SLIT2: variants seen among roughly 807,000 people sequenced by gnomAD.
The protein encoded by SLIT2 is slit guidance ligand 2, also known as slit homolog 2 protein.
Under a neutral mutation model 185.7 loss-of-function variants are expected in SLIT2, and 41 were observed. The ratio of observed to expected loss-of-function variants is 0.22; its 90% CI spans 0.17 to 0.29. SLIT2 has a LOEUF of 0.29. Ranked by LOEUF, SLIT2 falls within the 10% of genes least tolerant of loss-of-function variation. The pLI is 1.00. For missense variants in SLIT2, 1,571 were observed against 1,909.0 expected (o/e 0.82, Z 3.30); for synonymous variants, 693 against 680.2 (o/e 1.02, Z -0.29).
chr4:20,505,560 T>C (rs1719129513), intron 9 of SLIT2, among the ~76,000 whole-genome samples: 1 of 152,080 alleles, frequency 6.6e-6, no homozygotes, highest in African/African-American at 2.4e-5. Flanking sequence ...TAAATGTCTT[T>C]AGAACTAGTT....
At chr4:20,396,108 CA>C (rs1405048319) in intron 4 of SLIT2, among the ~76,000 whole-genome samples, 1 of 151,754 alleles carries the variant, frequency 6.6e-6, no homozygotes, top group Non-Finnish European at 1.5e-5. Flanking sequence ...TATATAATAA[CA>C]AAAACAAAAT....
intron 4 of SLIT2, among the ~76,000 whole-genome samples, chr4:20,368,316 A>G (rs1272963676): frequency 6.6e-6 from 1 of 151,496 alleles, no homozygotes; most frequent in Non-Finnish European, 1.5e-5. Flanking sequence ...CTCAGATGTA[A>G]CAAGAAAGTA....
chr4:20,343,315 T>G (rs557344497), intron 4 of SLIT2, among the ~76,000 whole-genome samples: 1 of 152,244 alleles, frequency 6.6e-6, no homozygotes, highest in Non-Finnish European at 1.5e-5. Flanking sequence ...AATGAGAACA[T>G]GTAGTATTTT....
intron 4 of SLIT2, among the ~76,000 whole-genome samples, chr4:20,330,616 A>G (rs1336198713): frequency 6.6e-6 from 1 of 152,110 alleles, no homozygotes; most frequent in African/African-American, 2.4e-5. Flanking sequence ...ACATACTCTC[A>G]GAAGATAGAT....
At chr4:20,463,749 G>T (rs180985080) in intron 4 of SLIT2, among the ~76,000 whole-genome samples, 5 of 150,510 alleles carry the variant, frequency 3.3e-5, no homozygotes, top group African/African-American at 9.8e-5. Context: ...GGTGGCGGGT[G>T]CCTGTAGTCC....
rs369504362 is a variant in SLIT2 at position 20,489,651 on chromosome 4, G to T, written c.775+669G>T. On this transcript the variant is annotated intron_variant, in intron 8 of 36. Coordinates refer to ENST00000504154, the MANE Select transcript of SLIT2 (RefSeq NM_004787.4). ...ATACAAAAACTAGCTGGGCATGGTG[G>T]TGCATGCCTGTAATTCTAGCTACTT... 4.6e-5 allele frequency among the ~76,000 whole-genome samples: 7 copies of T among 152,154 alleles called. No individual in the cohort carries two copies. In the East Asian group the frequency reaches 7.7e-4, roughly 17 times the overall value.
chr4:20,546,351 G>A (rs375699257), intron 22 of SLIT2, among the ~76,000 whole-genome samples: 2 of 152,094 alleles, frequency 1.3e-5, no homozygotes, highest in African/African-American at 4.8e-5. Context: ...AGTAGTCAGA[G>A]AATTATGAAA....
intron 9 of SLIT2, among the ~76,000 whole-genome samples, chr4:20,499,986 A>G (rs1388205877): frequency 1.3e-5 from 2 of 152,226 alleles, no homozygotes; most frequent in Non-Finnish European, 2.9e-5. Flanking sequence ...TAAATATGCT[A>G]AATGTTAAAA....
chr4:20,364,400 C>A, intron 4 of SLIT2: 1 of 321,580 alleles, frequency 3.1e-6, no homozygotes, highest in Non-Finnish European at 4.5e-6. Context: ...AGCTGACCTG[C>A]CCATTTTAAC....
At chr4:20,593,286 C>T (rs866113470) in intron 30 of SLIT2, among the ~76,000 whole-genome samples, 3 of 152,018 alleles carry the variant, frequency 2.0e-5, no homozygotes, top group Admixed American at 6.6e-5. Context: ...GAATTATATA[C>T]GTGTTAAAGA....
chr4:20,612,918 CAAAAAAA>C (rs33919601), intron 34 of SLIT2, among the ~76,000 whole-genome samples: 1 of 120,548 alleles, frequency 8.3e-6, no homozygotes, highest in Non-Finnish European at 1.7e-5. Flanking sequence ...ACTCCATCTC[CAAAAAAA>C]AAAAAAAAAA....
chr4:20,361,393 A>G (rs1401623345), intron 4 of SLIT2, among the ~76,000 whole-genome samples: 1 of 152,148 alleles, frequency 6.6e-6, no homozygotes, highest in Non-Finnish European at 1.5e-5. Flanking sequence ...CTACTAATAA[A>G]AAATAAAGCT....
chr4:20,453,336 G>A (rs1466678299), intron 4 of SLIT2, among the ~76,000 whole-genome samples: 1 of 152,068 alleles, frequency 6.6e-6, no homozygotes, highest in African/African-American at 2.4e-5. Context: ...CTGTGAAAAA[G>A]CGTTTTCTAT....
Position 20,549,136 on chromosome 4 carries a change from T to A in SLIT2, c.2489+8T>A. 3 of 1,534,686 alleles carry A rather than the reference T, an allele frequency of 2.0e-6. No homozygotes were observed. The highest frequency in any genetic ancestry group is 2.7e-6 in the Non-Finnish European group (3 of 1,109,388). On this transcript the variant is annotated splice_region_variant and intron_variant, in intron 24 of 36. Transcript: ENST00000504154. ...AAAGTCTCTTCGATTACTGTAAGCA[T>A]CTTGTGTTCAACAGAATATCTCTTT...
chr4:20,595,261 CT>C (rs1560224699), intron 30 of SLIT2, among the ~76,000 whole-genome samples: 1 of 152,138 alleles, frequency 6.6e-6, no homozygotes, highest in South Asian at 2.1e-4. Flanking sequence ...AAATGTTAAT[CT>C]TTTTTTAAAT....
At chr4:20,268,397 C>G (rs1188041557) in intron 3 of SLIT2, among the ~76,000 whole-genome samples, 2 of 151,640 alleles carry the variant, frequency 1.3e-5, no homozygotes, top group Non-Finnish European at 1.5e-5. Flanking sequence ...TTCCATCTCC[C>G]CACAATTCCT....
intron 12 of SLIT2, among the ~76,000 whole-genome samples, chr4:20,522,274 G>A (rs1443034147): frequency 6.6e-6 from 1 of 152,148 alleles, no homozygotes; most frequent in Non-Finnish European, 1.5e-5. Flanking sequence ...TGTTTCCAAA[G>A]GCATTAGGCC....
At chr4:20,574,928 G>A (rs1463432295) in intron 29 of SLIT2, among the ~76,000 whole-genome samples, 1 of 151,924 alleles carries the variant, frequency 6.6e-6, no homozygotes, top group East Asian at 1.9e-4. Context: ...GCAGAGTTAA[G>A]TTGAAAACAA....
chr4:20,491,637 T>C, intron 8 of SLIT2, 124 bp from the exon 9 acceptor site: 1 of 769,374 alleles, frequency 1.3e-6, no homozygotes, highest in Non-Finnish European at 2.0e-6. Context: ...TAGGACCATT[T>C]TATCATCATG....
Sources: gnomAD v4.1 joint callset for allele counts (sites outside exome capture counted in the v4.1 genomes callset) on GRCh38, gnomAD v4.1.1 for gene constraint, MANE v1.5 for transcripts, NCBI Gene and HGNC (gene_info 2026-07-23, HGNC 2026-07-21) for gene names.